Variants in GNA13 observed in about 807,000 individuals in gnomAD.
GNA13 encodes G protein subunit alpha 13.
In GNA13, 4 loss-of-function variants were observed where a neutral mutation model predicts 33.5. That is an observed-to-expected ratio of 0.12 (90% confidence interval 0.06 to 0.27). The LOEUF (loss-of-function observed/expected upper bound fraction) is 0.27. Among genes scored for constraint, GNA13 ranks in the 10% least tolerant of loss-of-function variants. The probability of loss-of-function intolerance (pLI) is 1.00; values close to 1 mark genes in which losing one functional copy is unlikely to be tolerated. For missense variants in GNA13, 319 were observed against 487.2 expected (o/e 0.65, Z 3.25); for synonymous variants, 176 against 183.8 (o/e 0.96, Z 0.34).
rs1286928153 is a variant in GNA13, at chr17:65,026,022, C to T, written c.511-7719G>A. 1.5e-4 allele frequency among the ~76,000 whole-genome samples: 22 copies of T among 151,064 alleles called. No homozygotes were observed. In the South Asian group the frequency reaches 4.6e-3, roughly 32 times the overall value. On this transcript the variant is annotated intron_variant, in intron 2 of 3. Coordinates refer to ENST00000439174, the MANE Select transcript of GNA13 (RefSeq NM_006572.6). ...GATGAAAACAGCAGATAAGACACAA[C>T]AAAAAAAATTATAAGTAATGTATAA...
At chr17:65,027,836 GGCTCATGCCT>G (rs1163228754) in intron 2 of GNA13, among the ~76,000 whole-genome samples, 1 of 152,170 alleles carries the variant, frequency 6.6e-6, no homozygotes, top group African/African-American at 2.4e-5. Flanking sequence ...TGGGCGTGGT[GGCTCATGCCT>G]GTAATCCCAG....
Position 65,018,138 on chromosome 17 carries a change from A to AAAAAAAAAAAG in GNA13, c.561+114_561+115insCTTTTTTTTTT, listed in dbSNP as rs1555600538. ...AAAAAAAAAAAAAAAAAAAAAAAAAAAGAGAGAAAGAAGCAAATAGCTTAA... is the reference window on the plus strand; with the variant it reads ...AAAAAAAAAAAAAAAAAAAAAAAAAAAAAAAAAAAAGAGAGAGAAAGAAGCAAATAGCTTAA... On this transcript the variant is annotated intron_variant, in intron 3 of 3. Transcript: ENST00000439174. The AAAAAAAAAAAG allele has an allele frequency of 5.7e-5, 4 of 69,632 alleles. 1 individual carries two copies. The highest frequency in any genetic ancestry group is 2.5e-4 in the African/African-American group (4 of 16,176). The allele number at this position is 69,632 out of a possible 1,614,324, so 4.3% of individuals were successfully genotyped here.
chr17:65,050,342 C>T (rs898325283), intron 2 of GNA13, among the ~76,000 whole-genome samples: 1 of 152,198 alleles, frequency 6.6e-6, no homozygotes, highest in African/African-American at 2.4e-5. Context: ...CTTCTCAGTG[C>T]CTGACACTAT....
At chr17:65,031,616 T>C (rs191499631) in intron 2 of GNA13, among the ~76,000 whole-genome samples, 388 of 152,324 alleles carry the variant, frequency 2.5e-3, no homozygotes, top group Non-Finnish European at 4.1e-3. Flanking sequence ...ATAATATACT[T>C]TTAATTTCCA....
At chr17:65,037,667 C>G (rs1247271985) in intron 2 of GNA13, among the ~76,000 whole-genome samples, 1 of 150,900 alleles carries the variant, frequency 6.6e-6, no homozygotes, top group African/African-American at 2.4e-5. Flanking sequence ...CACAGTGGCT[C>G]ACACCTGCAA....
intron 1 of GNA13, chr17:65,055,527 C>T (rs1432892732): frequency 1.3e-6 from 1 of 778,970 alleles, no homozygotes; most frequent in African/African-American, 1.9e-5. Flanking sequence ...TTCCTGCCAG[C>T]CCCCAGTTAC....
chr17:65,037,096 G>A (rs1201587658), intron 2 of GNA13, among the ~76,000 whole-genome samples: 3 of 152,206 alleles, frequency 2.0e-5, no homozygotes, highest in Non-Finnish European at 4.4e-5. Flanking sequence ...AATTGGAAAT[G>A]ATCATAAGTA....
chr17:65,030,330 A>G lies in GNA13; in HGVS notation c.511-12027T>C, dbSNP rs750648763. On this transcript the variant is annotated intron_variant, in intron 2 of 3. Transcript: ENST00000439174. ...CAGGGCTATTAACTACTCCAAGACT[A>G]GATCTCCAGATGCTGGTGAAGAATC... 5.9e-5 allele frequency among the ~76,000 whole-genome samples: 9 copies of G among 152,384 alleles called. No homozygotes were observed. The South Asian group carries it at 1.9e-3, about 32-fold the overall frequency.
At chr17:65,053,909 T>C (rs1567829780) in intron 1 of GNA13, among the ~76,000 whole-genome samples, 181 bp from the exon 2 acceptor site, 1 of 152,186 alleles carries the variant, frequency 6.6e-6, no homozygotes, top group African/African-American at 2.4e-5. Context: ...TAACAGTTGC[T>C]CACTGTCTTA....
chr17:65,043,291 ATTTTT>A (rs5821633), intron 2 of GNA13, among the ~76,000 whole-genome samples: 2 of 145,718 alleles, frequency 1.4e-5, no homozygotes, highest in African/African-American at 5.0e-5. Flanking sequence ...ATGTTTATTA[ATTTTT>A]TTTTTTTTTG....
chr17:65,024,428 A>AT (rs1303104019), intron 2 of GNA13, among the ~76,000 whole-genome samples: 2 of 152,304 alleles, frequency 1.3e-5, no homozygotes, highest in Middle Eastern at 3.4e-3. Context: ...AAAGAATCCA[A>AT]TTTTTTTCAC....
chr17:65,043,904 T>C (rs1361584927), intron 2 of GNA13, among the ~76,000 whole-genome samples: 2 of 152,096 alleles, frequency 1.3e-5, no homozygotes, highest in African/African-American at 4.8e-5. Context: ...GGAGAATCAT[T>C]TGAGGCCAAG....
At chr17:65,055,608 G>C (rs1567830329) in intron 1 of GNA13, 2 of 985,200 alleles carry the variant, frequency 2.0e-6, no homozygotes, top group Non-Finnish European at 2.4e-6. Context: ...CGTGACACTG[G>C]GGCGAAAAAG....
chr17:65,046,345 C>A (rs189655988), intron 2 of GNA13, among the ~76,000 whole-genome samples: 1 of 152,174 alleles, frequency 6.6e-6, no homozygotes, highest in Non-Finnish European at 1.5e-5. Flanking sequence ...GGCTGGAGTG[C>A]AATGGTGCTA....
At chr17:65,020,467 G>T (rs1906543635) in intron 2 of GNA13, among the ~76,000 whole-genome samples, 1 of 152,146 alleles carries the variant, frequency 6.6e-6, no homozygotes, top group South Asian at 2.1e-4. Flanking sequence ...CATAGGCCAT[G>T]TGTTTGTTAA....
At chr17:65,045,348 C>G (rs954533960) in intron 2 of GNA13, among the ~76,000 whole-genome samples, 2 of 151,792 alleles carry the variant, frequency 1.3e-5, no homozygotes, top group African/African-American at 2.4e-5. Context: ...GGTGAAACCC[C>G]ATCTCTACTA....
chr17:65,056,239 G>GCCCGGCCCCCCCCCC, intron 1 of GNA13, 72 bp downstream of exon 1: 4 of 936,166 alleles, frequency 4.3e-6, no homozygotes, highest in Non-Finnish European at 6.3e-6. Context: ...CCAGGGCGGT[G>GCCCGGCCCCCCCCCC]CCCCGCCCCG....
Position 65,056,706 on chromosome 17 carries a change from C to T in GNA13, c.-113G>A. ...GAGGGCGGGGAGCGCGGCGGCGGCCCGAGCGCGCCCAGGGAGGGAGGGAAC... is the reference window on the plus strand; with the variant it reads ...GAGGGCGGGGAGCGCGGCGGCGGCCTGAGCGCGCCCAGGGAGGGAGGGAAC... On this transcript the variant is annotated 5_prime_UTR_variant, in exon 1 of 4. Coordinates refer to ENST00000439174, the MANE Select transcript of GNA13 (RefSeq NM_006572.6). The T allele has an allele frequency of 1.5e-6, 1 of 661,938 alleles. No individual in the cohort carries two copies. Among genetic ancestry groups the T allele is most frequent in the Non-Finnish European group, 2.1e-6 (1 of 474,304 alleles). The allele number at this position is 661,938 out of a possible 1,614,324, so 41.0% of individuals were successfully genotyped here.
chr17:65,033,098 G>A (rs1013827959), intron 2 of GNA13, among the ~76,000 whole-genome samples: 5 of 150,578 alleles, frequency 3.3e-5, no homozygotes, highest in African/African-American at 9.8e-5. Context: ...GCAACAGAGC[G>A]AGACTCCATT....
Sources: allele counts gnomAD v4.1 joint callset (sites outside exome capture counted in the v4.1 genomes callset), GRCh38; gene constraint gnomAD v4.1.1; transcripts MANE v1.5; gene names NCBI Gene and HGNC (gene_info 2026-07-23, HGNC 2026-07-21).